Variants in SLC25A21 observed in about 807,000 individuals in gnomAD.
The protein encoded by SLC25A21 is solute carrier family 25 member 21.
A neutral mutation model predicts 43.8 loss-of-function variants in SLC25A21; 47 were observed. The ratio of observed to expected loss-of-function variants is 1.07; its 90% CI spans 0.85 to 1.37. SLC25A21 has a LOEUF of 1.37. Among genes scored for constraint, SLC25A21 ranks in the 40% most tolerant of loss-of-function variants. SLC25A21 has a pLI of 0.00. For synonymous variants in SLC25A21, 131 were observed against 121.3 expected (o/e 1.08, Z -0.52); for missense variants, 352 against 350.2 (o/e 1.00, Z -0.04).
At chr14:36,883,844 G>T in intron 1 of SLC25A21, among the ~76,000 whole-genome samples, 1 of 151,904 alleles carries the variant, frequency 6.6e-6, no homozygotes. Context: ...ATTTTTTAAT[G>T]ACAAATAATA....
chr14:36,679,370 A>ATCTT lies in SLC25A21; in HGVS notation c.*1284_*1287dup, dbSNP rs1248779911. The ATCTT allele has an allele frequency of 4.1e-6, 4 of 976,240 alleles. No individual in the cohort carries two copies. Among genetic ancestry groups the ATCTT allele is most frequent in the Non-Finnish European group, 4.9e-6 (4 of 821,948 alleles). The allele number at this position is 976,240 out of a possible 1,614,324, so 60.5% of individuals were successfully genotyped here. A position where few individuals can be genotyped will look rare whatever the true frequency, so the allele number is the denominator to read the frequency against. On this transcript the variant is annotated 3_prime_UTR_variant, in exon 10 of 10. Coordinates refer to ENST00000331299, the MANE Select transcript of SLC25A21 (RefSeq NM_030631.4). The stretch of plus-strand genomic sequence containing the variant: ...AATAAAAAGTAATAATTACCATGTT[A>ATCTT]TCTTTTACTTTTTATTTTCAAAATG...
intron 3 of SLC25A21, among the ~76,000 whole-genome samples, chr14:36,787,886 G>C (rs760024590): frequency 6.6e-6 from 1 of 152,124 alleles, no homozygotes; most frequent in Admixed American, 6.5e-5. Flanking sequence ...TTCTTTGCAA[G>C]CATGCTTGTT....
At chr14:36,929,379 C>A (rs748270980) in intron 1 of SLC25A21, among the ~76,000 whole-genome samples, 2 of 152,150 alleles carry the variant, frequency 1.3e-5, no homozygotes, top group Non-Finnish European at 2.9e-5. Flanking sequence ...TAGAGATCCT[C>A]TATTAGGTTT....
chr14:36,926,268 C>T (rs1892129221), intron 1 of SLC25A21, among the ~76,000 whole-genome samples: 1 of 151,938 alleles, frequency 6.6e-6, no homozygotes, highest in Admixed American at 6.6e-5. Flanking sequence ...TAGTCATGTC[C>T]AAAGAATAAA....
At chr14:36,845,901 G>A (rs148485512) in intron 2 of SLC25A21, among the ~76,000 whole-genome samples, 98 of 152,254 alleles carry the variant, frequency 6.4e-4, no homozygotes, top group Admixed American at 2.4e-3. Flanking sequence ...TTCAGTTTAC[G>A]GTTGGAGTGT....
rs555859384 is a variant in SLC25A21, at chr14:37,085,297, G to C, written c.70+86984C>G. Among the ~76,000 whole-genome samples, 3 of 152,108 alleles carry C rather than the reference G, an allele frequency of 2.0e-5. No homozygotes were observed. In the South Asian group the frequency reaches 6.2e-4, roughly 32 times the overall value. On this transcript the variant is annotated intron_variant, in intron 1 of 9. Coordinates refer to ENST00000331299, the MANE Select transcript of SLC25A21 (RefSeq NM_030631.4). ...CCAGCCTTATTTTCTCCAACTCTAT[G>C]ATTATCTGATGTTAGATTATTTATT...
chr14:36,690,115 G>A (rs373361382), intron 7 of SLC25A21, among the ~76,000 whole-genome samples: 1 of 152,194 alleles, frequency 6.6e-6, no homozygotes, highest in African/African-American at 2.4e-5. Flanking sequence ...CTCATAGTTT[G>A]AGTGGGTCAT....
At chr14:36,852,166 A>G (rs762401322) in intron 2 of SLC25A21, among the ~76,000 whole-genome samples, 8 of 152,114 alleles carry the variant, frequency 5.3e-5, no homozygotes, top group Non-Finnish European at 8.8e-5. Flanking sequence ...TCTTTATTGC[A>G]TGGAGCAGGA....
At chr14:37,011,326 A>C (rs945563643) in intron 1 of SLC25A21, among the ~76,000 whole-genome samples, 1 of 152,212 alleles carries the variant, frequency 6.6e-6, no homozygotes, top group Non-Finnish European at 1.5e-5. Flanking sequence ...CTAAATCCTT[A>C]TAAGTTATAC....
At chr14:36,838,952 A>C (rs712362) in intron 2 of SLC25A21, among the ~76,000 whole-genome samples, 151,545 of 152,324 alleles carry the variant, frequency 0.99, 75,394 homozygotes, top group East Asian at 1. Flanking sequence ...CAACACCCCA[A>C]TTAATGTGGA....
chr14:37,098,726 TAGATAGATAGATAGATAGATAGACAGAC>T (rs200946293), intron 1 of SLC25A21, among the ~76,000 whole-genome samples: 15,922 of 41,684 alleles, frequency 0.38, 1,117 homozygotes, highest in South Asian at 0.54. Flanking sequence ...GATAGATAGA[TAGATAGATAGATAGATAGATAGACAGAC>T]AGACAGACAG....
At chr14:37,055,064 G>A (rs992441543) in intron 1 of SLC25A21, among the ~76,000 whole-genome samples, 3 of 152,202 alleles carry the variant, frequency 2.0e-5, no homozygotes, top group Non-Finnish European at 2.9e-5. Flanking sequence ...CCTTGTGACT[G>A]CAAGCGTCAA....
intron 1 of SLC25A21, among the ~76,000 whole-genome samples, chr14:37,007,315 A>G (rs11845949): frequency 0.24 from 35,773 of 152,120 alleles, 7,902 homozygotes; most frequent in African/African-American, 0.59. Flanking sequence ...AAAAATTAAG[A>G]ACTTTGGCCA....
At chr14:37,146,628 T>C (rs1963669766) in intron 1 of SLC25A21, among the ~76,000 whole-genome samples, 1 of 152,214 alleles carries the variant, frequency 6.6e-6, no homozygotes, top group Admixed American at 6.5e-5. Context: ...TAATAAATGA[T>C]GTCATTATTT....
chr14:36,876,816 ATATATATATGAAATATG>A (rs1180223428), intron 1 of SLC25A21, among the ~76,000 whole-genome samples: 25 of 151,014 alleles, frequency 1.7e-4, no homozygotes, highest in African/African-American at 4.6e-4. Context: ...TGACTCACAT[ATATATATATGAAATATG>A]TATATATATG....
At chr14:37,095,391 G>A (rs1962668928) in intron 1 of SLC25A21, among the ~76,000 whole-genome samples, 1 of 152,152 alleles carries the variant, frequency 6.6e-6, no homozygotes, top group Non-Finnish European at 1.5e-5. Context: ...GGTGGCACAT[G>A]CCTGTAAGCC....
Position 36,996,195 on chromosome 14 carries a change from A to AT in SLC25A21, c.71-121192dup, listed in dbSNP as rs570982603. Among the ~76,000 whole-genome samples, 925 of 152,268 alleles carry AT rather than the reference A, an allele frequency of 6.1e-3. 10 individuals are homozygous for AT. The highest frequency in any genetic ancestry group is 0.037 in the Middle Eastern group (11 of 294). ...TTTGGTTAATGCCCTCATTAATAGTATAAATGATTGTATCTAATATTCAGC... is the reference window on the plus strand; with the variant it reads ...TTTGGTTAATGCCCTCATTAATAGTATTAAATGATTGTATCTAATATTCAGC... On this transcript the variant is annotated intron_variant, in intron 1 of 9. Transcript: ENST00000331299.
chr14:36,696,044 T>C (rs1883008326), intron 7 of SLC25A21, among the ~76,000 whole-genome samples: 1 of 152,190 alleles, frequency 6.6e-6, no homozygotes. Flanking sequence ...GGCTGTGGGT[T>C]TGTCATAAAT....
At chr14:36,911,355 C>T (rs1891681733) in intron 1 of SLC25A21, among the ~76,000 whole-genome samples, 1 of 151,972 alleles carries the variant, frequency 6.6e-6, no homozygotes, top group South Asian at 2.1e-4. Flanking sequence ...GAGTAACTGC[C>T]CAAGGTCACA....
Sources: allele counts gnomAD v4.1 joint callset (sites outside exome capture counted in the v4.1 genomes callset), GRCh38; gene constraint gnomAD v4.1.1; transcripts MANE v1.5; gene names NCBI Gene and HGNC (gene_info 2026-07-23, HGNC 2026-07-21).